The following TSPAN32 variants were observed in gnomAD, a reference collection of about 807,000 sequenced individuals.
The protein encoded by TSPAN32 is tetraspanin 32.
TSPAN32 carries 47 observed loss-of-function variants against 42.7 expected under a neutral mutation model. The observed-to-expected ratio is 1.10, with a 90% CI of 0.87 to 1.40. The LOEUF (loss-of-function observed/expected upper bound fraction) is 1.40, where lower values mean the gene tolerates loss of function less well. Ranked by LOEUF, TSPAN32 falls within the 40% of genes most tolerant of loss-of-function variation. TSPAN32 has a pLI of 0.00. For synonymous variants in TSPAN32, 175 were observed against 175.9 expected (o/e 0.99, Z 0.04); for missense variants, 469 against 424.1 (o/e 1.11, Z -0.93).
chr11:2,316,526 G>T (rs780772548), intron 7 of TSPAN32, 50 bp from the exon 8 acceptor site: 2 of 1,609,816 alleles, frequency 1.2e-6, no homozygotes, highest in South Asian at 2.2e-5. Flanking sequence ...CCTGGGGAGG[G>T]GCGCCCGCAC....
chr11:2,306,302 T>C (rs915185361), intron 3 of TSPAN32, among the ~76,000 whole-genome samples: 3 of 151,642 alleles, frequency 2.0e-5, no homozygotes, highest in African/African-American at 7.3e-5. Context: ...CTAGCTGGCC[T>C]CTCGCACAGG....
chr11:2,310,068 TG>T (rs1247258682), intron 4 of TSPAN32: 2 of 152,164 alleles, frequency 1.3e-5, no homozygotes, highest in Non-Finnish European at 2.9e-5. Context: ...CTTACCAGGG[TG>T]GTGAGCTGGG....
chr11:2,309,276 C>T (rs774964771), intron 4 of TSPAN32: 64 of 454,448 alleles, frequency 1.4e-4, no homozygotes, highest in Non-Finnish European at 5.6e-5. Context: ...GACCTGGAGA[C>T]CCGCGGACTG....
chr11:2,306,019 CAT>C (rs1848061340), intron 3 of TSPAN32, among the ~76,000 whole-genome samples: 2 of 138,126 alleles, frequency 1.4e-5, no homozygotes. Flanking sequence ...TGTGTGTGTG[CAT>C]GTGTGTGTGC....
chr11:2,311,065 C>A (rs1400643826), intron 4 of TSPAN32, among the ~76,000 whole-genome samples: 1 of 152,212 alleles, frequency 6.6e-6, no homozygotes, highest in Non-Finnish European at 1.5e-5. Flanking sequence ...AGAGCCCAGC[C>A]CGGCCCATTC....
intron 6 of TSPAN32, chr11:2,315,520 A>G (rs1434613370): frequency 2.6e-6 from 3 of 1,155,382 alleles, no homozygotes; most frequent in Non-Finnish European, 3.2e-6. Context: ...CCGACTGCAA[A>G]GCCTCCTGGG....
chr11:2,303,944 C>T (rs985202258), intron 2 of TSPAN32, among the ~76,000 whole-genome samples, 163 bp from the exon 3 acceptor site: 1 of 152,148 alleles, frequency 6.6e-6, no homozygotes, highest in Non-Finnish European at 1.5e-5. Flanking sequence ...CCACCTCCCT[C>T]CTCCTTCCCT....
intron 3 of TSPAN32, among the ~76,000 whole-genome samples, chr11:2,306,380 C>A (rs768603388): frequency 6.6e-6 from 1 of 152,002 alleles, no homozygotes; most frequent in African/African-American, 2.4e-5. Flanking sequence ...ACATTCAATT[C>A]GCTTATGTAT....
intron 5 of TSPAN32, 30 bp from the exon 6 acceptor site, chr11:2,314,455 A>G: frequency 6.3e-7 from 1 of 1,582,926 alleles, no homozygotes; most frequent in Non-Finnish European, 8.6e-7. Context: ...TCGGGAGCAC[A>G]TCACCACTCC....
chr11:2,307,522 C>T (rs898466126), intron 3 of TSPAN32, among the ~76,000 whole-genome samples: 2 of 152,068 alleles, frequency 1.3e-5, no homozygotes, highest in South Asian at 4.2e-4. Context: ...AGCATGAAGG[C>T]AAAGGCGGCT....
rs774188366 is a variant in TSPAN32, at chr11:2,304,107, C to G, written c.182C>G (p.Ala61Gly). The G allele has an allele frequency of 5.1e-6, 8 of 1,578,024 alleles. No homozygotes were observed. Among genetic ancestry groups the G allele is most frequent in the Non-Finnish European group, 6.9e-6 (8 of 1,161,832 alleles). The change falls in exon 3 of 10, where the codon GCC becomes GGC. Residue 61 changes from alanine to glycine, a missense_variant and splice_region_variant. Physicochemically the swap from Ala to Gly is moderately conservative, Grantham distance 60 (BLOSUM62 0). Transcript: ENST00000182290. The surrounding 1 kb of genome is among the most constrained non-coding windows in gnomAD (Gnocchi z 4.8). The stretch of plus-strand genomic sequence containing the variant: ...CCTCCTCCTCTCTCCTCCCAACCAG[C>G]CTTCTCTGCGGGGTTGAGCCTGGTG... ...KNPYQAVHQW[A>G]FSAGLSLVGL...
intron 5 of TSPAN32, 119 bp from the exon 6 acceptor site, chr11:2,314,366 G>A (rs1848655360): frequency 2.5e-6 from 2 of 798,698 alleles, no homozygotes; most frequent in East Asian, 5.4e-5. Context: ...AGTAGCCCCA[G>A]CCCTGGCCTG....
chr11:2,307,777 G>T (rs140083459), intron 3 of TSPAN32, among the ~76,000 whole-genome samples: 1 of 152,132 alleles, frequency 6.6e-6, no homozygotes, highest in African/African-American at 2.4e-5. Flanking sequence ...CTAGGGGCAC[G>T]GGCATCAGTG....
intron 3 of TSPAN32, among the ~76,000 whole-genome samples, chr11:2,306,216 T>C (rs1239629472): frequency 6.6e-6 from 1 of 152,004 alleles, no homozygotes; most frequent in Non-Finnish European, 1.5e-5. Context: ...TGGAAAGATT[T>C]TTTCCAATGG....
In TSPAN32 at chr11:2,302,918, G is replaced by T; in HGVS notation, c.141G>T (p.Ala47=). The change falls in exon 2 of 10, where the codon GCG becomes GCT. Residue 47 remains alanine, a synonymous_variant. Coordinates refer to ENST00000182290, the MANE Select transcript of TSPAN32 (RefSeq NM_139022.3). ...FGAHFAVIRR[A]SLEKNPYQAV... ...CCCACTTTGCTGTCATCCGCCGAGCGTCCCTGGAGAAGAACCCGTACCAGG... is the reference window on the plus strand; with the variant it reads ...CCCACTTTGCTGTCATCCGCCGAGCTTCCCTGGAGAAGAACCCGTACCAGG... The T allele has an allele frequency of 6.2e-7, 1 of 1,613,708 alleles. No individual in the cohort carries two copies. The highest frequency in any genetic ancestry group is 8.5e-7 in the Non-Finnish European group (1 of 1,179,850).
At position 2,312,616 on chromosome 11, in the gene TSPAN32, C is replaced by T. The variant is rs2283145; in HGVS notation, c.355-1038C>T. ...ACCGAGAGCCTCCACTGCCCACTGC[C>T]CGCCCAGTTGGCCGCTGTCAGGGCC... is the stretch of plus-strand genomic sequence containing the variant. On this transcript the variant is annotated intron_variant, in intron 4 of 9. Coordinates refer to ENST00000182290, the MANE Select transcript of TSPAN32 (RefSeq NM_139022.3). Among the ~76,000 whole-genome samples the T allele has an allele frequency of 1.5e-3, 225 of 152,366 alleles. 6 individuals are homozygous for T. The East Asian group carries it at 0.04, about 27-fold the overall frequency.
Position 2,313,820 on chromosome 11 carries a change from A to G in TSPAN32, c.456+65A>G. 2 of 1,320,286 alleles carry G rather than the reference A, an allele frequency of 1.5e-6. No homozygotes were observed. The highest frequency in any genetic ancestry group is 2.1e-6 in the Non-Finnish European group (2 of 952,972). 81.8% of individuals were successfully genotyped at this position (1,320,286 alleles called of 1,614,324 possible). On this transcript the variant is annotated intron_variant, in intron 5 of 9. Transcript: ENST00000182290. This position sits in a 1 kb window ranked among gnomAD's most constrained non-coding sequence, Gnocchi z 9.1. ...CTGCTTGGACTGCAGTTCAGAGAACAGGCGCAGGGTGGCCAGTGAGAGGTC... is the reference window on the plus strand; with the variant it reads ...CTGCTTGGACTGCAGTTCAGAGAACGGGCGCAGGGTGGCCAGTGAGAGGTC...
At chr11:2,311,764 C>A (rs569635194) in intron 4 of TSPAN32, among the ~76,000 whole-genome samples, 1 of 152,240 alleles carries the variant, frequency 6.6e-6, no homozygotes, top group Non-Finnish European at 1.5e-5. Context: ...GAGCTTAGTG[C>A]GTTGATACCT....
At chr11:2,307,662 G>T (rs1422019505) in intron 3 of TSPAN32, among the ~76,000 whole-genome samples, 1 of 152,176 alleles carries the variant, frequency 6.6e-6, no homozygotes, top group Non-Finnish European at 1.5e-5. Flanking sequence ...CTTAGCTTCC[G>T]CAAGGGGGCT....
Sources: gnomAD v4.1 joint callset for allele counts (sites outside exome capture counted in the v4.1 genomes callset) on GRCh38, gnomAD v4.1.1 for gene constraint, Gnocchi (gnomAD v3.1) non-coding constraint, MANE v1.5 for transcripts, NCBI Gene and HGNC (gene_info 2026-07-23, HGNC 2026-07-21) for gene names.